The following CFAP74 variants were observed in gnomAD, a reference collection of about 807,000 sequenced individuals.
CFAP74 encodes cilia and flagella associated protein 74.
CFAP74 carries 124 observed loss-of-function variants against 188.9 expected under a neutral mutation model. The observed-to-expected ratio is 0.66, with a 90% CI of 0.57 to 0.76. The LOEUF is 0.76. Ranked by LOEUF, CFAP74 falls within the 30% of genes least tolerant of loss-of-function variation. The pLI, the probability that CFAP74 is intolerant of heterozygous loss-of-function variation, is 0.00. For synonymous variants in CFAP74, 956 were observed against 916.7 expected, an observed-to-expected ratio of 1.04 and a Z score of -0.77; for missense variants, 2,198 against 2,165.2, an observed-to-expected ratio of 1.02 and a Z score of -0.30.
chr1:1,933,258 A>C (rs1197386976), intron 25 of CFAP74, among the ~76,000 whole-genome samples: 1 of 146,080 alleles, frequency 6.8e-6, no homozygotes, highest in Non-Finnish European at 1.5e-5. Context: ...ATCTCGGCTC[A>C]CTGCAAGCTC....
At position 1,982,043 on chromosome 1, in the gene CFAP74, T is replaced by G. The variant is rs372785992; in HGVS notation, c.500+3343A>C. The stretch of plus-strand genomic sequence containing the variant: ...CGCAGGACACCCAGCCGTGGTCACA[T>G]GCGGGGACACGCAGGACACCCAGCC... On this transcript the variant is annotated intron_variant, in intron 6 of 38. Coordinates refer to ENST00000682832, the MANE Select transcript of CFAP74 (RefSeq NM_001304360.2). Among the ~76,000 whole-genome samples the G allele has an allele frequency of 8.2e-5, 2 of 24,366 alleles. 1 individual carries two copies. The highest frequency in any genetic ancestry group is 2.8e-4 in the African/African-American group (2 of 7,200). The allele number at this position is 24,366 out of a possible 152,430, so 16.0% of individuals were successfully genotyped here. A position where few individuals can be genotyped will look rare whatever the true frequency, so the allele number is the denominator to read the frequency against.
rs72502755 is a variant in CFAP74 at position 1,938,334 on chromosome 1, TCA to T, written c.3011+519_3011+520del. 1.9e-3 allele frequency among the ~76,000 whole-genome samples: 287 copies of T among 147,780 alleles called. 2 individuals carry two copies. The highest frequency in any genetic ancestry group is 6.7e-3 in the African/African-American group (263 of 39,498). On this transcript the variant is annotated intron_variant, in intron 25 of 38. Transcript: ENST00000682832. ...ATACATGCACTCACACACAAGGCAC[TCA>T]CACACACACGCTCACTCACATGCAA...
intron 23 of CFAP74, 77 bp from the exon 24 acceptor site, chr1:1,939,844 C>G: frequency 7.3e-7 from 1 of 1,367,462 alleles, no homozygotes; most frequent in South Asian, 1.3e-5. Flanking sequence ...TGAGGCGCAA[C>G]CACTGCTGCT....
rs187276137 is a variant in CFAP74, at chr1:1,966,616, G to A, written c.1246-90C>T. 1,510 of 1,231,188 alleles carry A rather than the reference G, an allele frequency of 1.2e-3. 10 individuals carry two copies. In the African/African-American group the frequency reaches 0.021, roughly 17 times the overall value. The allele number at this position is 1,231,188 out of a possible 1,614,324, so 76.3% of individuals were successfully genotyped here. On this transcript the variant is annotated intron_variant, in intron 11 of 38. Coordinates refer to ENST00000682832, the MANE Select transcript of CFAP74 (RefSeq NM_001304360.2). ...GGCCCAGCCCCCGCCGGTATGGCCC[G>A]CTGCCTGCCCCCGTTCTTCTGCCTC...
At chr1:1,958,866 G>C (rs1482931455) in intron 16 of CFAP74, among the ~76,000 whole-genome samples, 1 of 152,140 alleles carries the variant, frequency 6.6e-6, no homozygotes, top group Non-Finnish European at 1.5e-5. Context: ...TGCAGTCTGG[G>C]CTCCACACAG....
Position 1,923,180 on chromosome 1 carries a change from C to T in CFAP74, c.4523-35G>A. The T allele has an allele frequency of 6.3e-7, 1 of 1,574,902 alleles. No individual in the cohort carries two copies. The highest frequency in any genetic ancestry group is 8.6e-7 in the Non-Finnish European group (1 of 1,163,574). On this transcript the variant is annotated intron_variant, in intron 36 of 38. Transcript: ENST00000682832. The surrounding 1 kb of genome is among the most constrained non-coding windows in gnomAD (Gnocchi z 6.3). ...TGTGGCCAGGGGAGCTGTTCAGGGT[C>T]AGGCTGAGGCATGGGGTGAGGCTGC... is the stretch of plus-strand genomic sequence containing the variant.
At position 1,924,382 on chromosome 1, in the gene CFAP74, C is replaced by T; in HGVS notation, c.4234+9G>A. ...GCAGCTCACCACCCACCCCCCACCC[C>T]CCGCTCACCGACCACCTCCGTCCTC... On this transcript the variant is annotated intron_variant, in intron 34 of 38. Transcript: ENST00000682832. The T allele has an allele frequency of 1.3e-6, 1 of 783,040 alleles. No individual in the cohort carries two copies. Among genetic ancestry groups the T allele is most frequent in the Non-Finnish European group, 1.7e-6 (1 of 578,350 alleles). 48.5% of individuals were successfully genotyped at this position (783,040 alleles called of 1,614,324 possible).
chr1:1,927,534 C>T (rs1207923884), intron 28 of CFAP74, 73 bp downstream of exon 28: 5 of 1,410,532 alleles, frequency 3.5e-6, no homozygotes, highest in Non-Finnish European at 2.9e-6. Context: ...GGAGGGGACT[C>T]TACAGGGGCC....
chr1:1,955,473 T>G, intron 18 of CFAP74: 1 of 1,575,582 alleles, frequency 6.3e-7, no homozygotes, highest in South Asian at 1.1e-5. Context: ...CCTTCAAGTC[T>G]TCGGTTAGCG....
At chr1:1,943,715 C>T (rs569011094) in intron 21 of CFAP74, among the ~76,000 whole-genome samples, 13 of 152,330 alleles carry the variant, frequency 8.5e-5, no homozygotes, top group Admixed American at 5.9e-4. Context: ...GCGGGCAGTG[C>T]GTTTCCTGTG....
At chr1:1,991,903 G>A (rs1456806871) in intron 1 of CFAP74, among the ~76,000 whole-genome samples, 2 of 151,872 alleles carry the variant, frequency 1.3e-5, no homozygotes, top group Non-Finnish European at 2.9e-5. Context: ...AGCCGGGCAT[G>A]GTGGCAGGCG....
chr1:1,945,370 G>A (rs914322241), intron 20 of CFAP74, among the ~76,000 whole-genome samples: 2 of 152,192 alleles, frequency 1.3e-5, no homozygotes, highest in African/African-American at 2.4e-5. Context: ...AAGTGCAGCA[G>A]CCCAGCACGA....
chr1:1,987,240 G>A (rs964002943), intron 4 of CFAP74, among the ~76,000 whole-genome samples: 1 of 152,250 alleles, frequency 6.6e-6, no homozygotes, highest in African/African-American at 2.4e-5. Context: ...GGGCAGCTGT[G>A]TGGCCCCCAC....
rs977946790 is a variant in CFAP74, at chr1:1,955,072, C to A, written c.2176+619G>T. The A allele has an allele frequency of 5.3e-4, 368 of 694,930 alleles. 2 individuals carry two copies. Among genetic ancestry groups the A allele is most frequent in the South Asian group, 1.1e-3 (42 of 36,898 alleles). The allele number at this position is 694,930 out of a possible 1,614,324, so 43.0% of individuals were successfully genotyped here. A position where few individuals can be genotyped will look rare whatever the true frequency, so the allele number is the denominator to read the frequency against. On this transcript the variant is annotated intron_variant, in intron 18 of 38. Transcript: ENST00000682832. Reference sequence around the variant, plus strand: ...CTCACACCGGAAGTGCGGCTCACACCGGAAGTGCGGCTCACACAGGCTGTG... The same window carrying A: ...CTCACACCGGAAGTGCGGCTCACACAGGAAGTGCGGCTCACACAGGCTGTG...
chr1:1,955,174 G>C, intron 18 of CFAP74: 1 of 1,286,536 alleles, frequency 7.8e-7, no homozygotes, highest in Non-Finnish European at 1.0e-6. Context: ...GGAGGAGGAC[G>C]GAGGTTTCTG....
intron 24 of CFAP74, 103 bp downstream of exon 24, chr1:1,939,491 A>C: frequency 8.5e-7 from 1 of 1,170,454 alleles, no homozygotes; most frequent in East Asian, 2.6e-5. Flanking sequence ...AAGTTGGGCC[A>C]CATGCCCACG....
chr1:1,944,646 G>A (rs909179074), intron 20 of CFAP74, among the ~76,000 whole-genome samples, 194 bp from the exon 21 acceptor site: 15 of 152,046 alleles, frequency 9.9e-5, no homozygotes, highest in Admixed American at 3.9e-4. Flanking sequence ...TCGCTCTGTC[G>A]CCCAGGCTGG....
rs772065816 is a variant in CFAP74, at chr1:1,923,956, G to A, written c.4235-27C>T. On this transcript the variant is annotated intron_variant, in intron 34 of 38. Transcript: ENST00000682832. This position sits in a 1 kb window ranked among gnomAD's most constrained non-coding sequence, Gnocchi z 6.3. ...TGCGGGTAGGGTGGGGTGCAGTTTGGCCTTCTCCACCTGCAATCACTGTCT... is the reference window on the plus strand; with the variant it reads ...TGCGGGTAGGGTGGGGTGCAGTTTGACCTTCTCCACCTGCAATCACTGTCT... 5.7e-6 allele frequency: 9 copies of A among 1,589,698 alleles called. No homozygotes were observed. The East Asian group carries it at 2.0e-4, about 36-fold the overall frequency.
Position 1,939,667 on chromosome 1 carries a change from G to T in CFAP74, c.2804C>A (p.Ala935Asp). ...GTGGAGGCTGATTTCCGTCCTGATGGCCTCATAGATGGTGCAGTAGCCAAA... is the reference window on the plus strand; with the variant it reads ...GTGGAGGCTGATTTCCGTCCTGATGTCCTCATAGATGGTGCAGTAGCCAAA... ...VDFGYCTIYE[A>D]IRTEISLHNH... The change falls in exon 24 of 39, where the codon GCC becomes GAC. Residue 935 changes from alanine to aspartate, a missense_variant. By Grantham distance (126) the Ala-to-Asp change is moderately radical. Coordinates refer to ENST00000682832, the MANE Select transcript of CFAP74 (RefSeq NM_001304360.2). 1 of 1,536,062 alleles carries T rather than the reference G, an allele frequency of 6.5e-7. No individual in the cohort carries two copies. Among genetic ancestry groups the T allele is most frequent in the Non-Finnish European group, 8.7e-7 (1 of 1,146,880 alleles).
Sources: gnomAD v4.1 joint callset for allele counts (sites outside exome capture counted in the v4.1 genomes callset) on GRCh38, gnomAD v4.1.1 for gene constraint, Gnocchi (gnomAD v3.1) non-coding constraint, MANE v1.5 for transcripts, NCBI Gene and HGNC (gene_info 2026-07-23, HGNC 2026-07-21) for gene names.